The following BAG6 variants were observed in gnomAD, a reference collection of about 807,000 sequenced individuals.
BAG6 encodes the protein BAG cochaperone 6.
Under a neutral mutation model 121.0 loss-of-function variants are expected in BAG6, and 22 were observed. That is an observed-to-expected ratio of 0.18 (90% CI 0.13 to 0.26). The LOEUF (loss-of-function observed/expected upper bound fraction) is 0.26. Among genes scored for constraint, BAG6 ranks in the 10% least tolerant of loss-of-function variants. BAG6 has a pLI of 1.00. For missense variants in BAG6, 1,233 were observed against 1,537.7 expected (o/e 0.80, Z 3.31); for synonymous variants, 583 against 584.6 (o/e 1.00, Z 0.04).
chr6:31,649,590 G>A lies in BAG6; in HGVS notation c.146C>T (p.Ser49Phe). 1 of 1,614,110 alleles carries A rather than the reference G, an allele frequency of 6.2e-7. No homozygotes were observed. Among genetic ancestry groups the A allele is most frequent in the Non-Finnish European group, 8.5e-7 (1 of 1,180,008 alleles). ...TTGTTTTTCAGATGGGATGCTGACA[G>A]AGGCAGCAATGTGCTCCTTAAACTC... ...VKEFKEHIAA[S>F]VSIPSEKQRL... Residue 49 changes from serine to phenylalanine, a missense_variant, in exon 3 of 26, where the codon TCT (serine) becomes TTT (phenylalanine). This residue lies in a region of BAG6 where 28 missense variants were observed against 24.5 expected (regional missense o/e 1.14). Coordinates refer to ENST00000676615, the MANE Select transcript of BAG6 (RefSeq NM_001387994.1).
In BAG6 at chr6:31,645,487, G is replaced by C; in HGVS notation, c.1036C>G (p.Pro346Ala). Residue 346 changes from proline (P) to alanine (A), a missense_variant, in exon 9 of 26, where the codon CCA becomes GCA. Coordinates refer to ENST00000676615, the MANE Select transcript of BAG6 (RefSeq NM_001387994.1). Reference protein sequence around the residue: ...DLRCNLACTPPRHLHVVRPMS... With the variant: ...DLRCNLACTPARHLHVVRPMS... ...GGCCGGACCACATGCAGGTGTCGTG[G>C]GGGCGTGCAGGCCAGATTGCAGCGC... The C allele has an allele frequency of 6.2e-7, 1 of 1,613,114 alleles. No homozygotes were observed. The highest frequency in any genetic ancestry group is 1.6e-4 in the Middle Eastern group (1 of 6,062).
chr6:31,642,359 T>A lies in BAG6; in HGVS notation c.2088A>T (p.Pro696=). 1 of 315,212 alleles carries A rather than the reference T, an allele frequency of 3.2e-6. No individual in the cohort carries two copies. The highest frequency in any genetic ancestry group is 4.5e-6 in the Non-Finnish European group (1 of 222,774). The allele number at this position is 315,212 out of a possible 1,614,324, so 19.5% of individuals were successfully genotyped here. A position where few individuals can be genotyped will look rare whatever the true frequency, so the allele number is the denominator to read the frequency against. The change falls in exon 16 of 26, where the codon CCA becomes CCT. Residue 696 remains proline (P), a synonymous_variant. Transcript: ENST00000676615. The part of the protein sequence containing the change: ...APPPPPPPPP[P]PPAPEQQTMP... ...TGGTCTGCTGCTCTGGGGCAGGTGG[T>A]GGGGGTGGAGGAGGTGGGGGTGGTG...
rs1199597125 is a variant in BAG6 at position 31,644,457 on chromosome 6, A to G, written c.1448-43T>C. 1 of 1,561,770 alleles carries G rather than the reference A, an allele frequency of 6.4e-7. No individual in the cohort carries two copies. On this transcript the variant is annotated intron_variant, in intron 11 of 25. Transcript: ENST00000676615. This position sits in a 1 kb window ranked among gnomAD's most constrained non-coding sequence, Gnocchi z 4.9. ...TGTAACCTTGAACCTGGACCCCTTC[A>G]ACCCACCCACTCAGCCCTTCCCTTT...
chr6:31,649,091 G>A, intron 4 of BAG6, 108 bp downstream of exon 4: 3 of 1,514,558 alleles, frequency 2.0e-6, no homozygotes, highest in Non-Finnish European at 2.7e-6. Context: ...ACACCACAGG[G>A]CCCCCTGAAC....
chr6:31,645,722 C>T (rs1435792488), intron 8 of BAG6, 118 bp from the exon 9 acceptor site: 4 of 1,265,038 alleles, frequency 3.2e-6, no homozygotes, highest in East Asian at 2.5e-5. Flanking sequence ...TCAGTTATAT[C>T]CTTGGAAGTT....
At chr6:31,639,419 A>G (rs1355888693) in intron 25 of BAG6, 81 bp downstream of exon 25, 1 of 1,550,282 alleles carries the variant, frequency 6.5e-7, no homozygotes, top group Non-Finnish European at 8.7e-7. Flanking sequence ...TGACCAGTTC[A>G]TCGCTGAAGG....
chr6:31,643,730 A>AAAAAAAC (rs1785455069), intron 14 of BAG6, among the ~76,000 whole-genome samples, 160 bp downstream of exon 14: 1 of 88,032 alleles, frequency 1.1e-5, no homozygotes, highest in East Asian at 4.5e-4. Context: ...TCAAAAAAAA[A>AAAAAAAC]AAAAAAAAAA....
Position 31,641,097 on chromosome 6 carries a change from T to C in BAG6, c.2787+7A>G. 5 of 1,612,922 alleles carry C rather than the reference T, an allele frequency of 3.1e-6. No individual in the cohort carries two copies. Among genetic ancestry groups the C allele is most frequent in the Non-Finnish European group, 4.2e-6 (5 of 1,179,912 alleles). ...AGGCTAAGGATCTGGGGCTAGGTGG[T>C]GCTTACAATTCGGCCATTGATAACA... On this transcript the variant is annotated splice_region_variant and intron_variant, in intron 20 of 25. Transcript: ENST00000676615. The surrounding 1 kb of genome is among the most constrained non-coding windows in gnomAD (Gnocchi z 5.7).
At chr6:31,649,974 G>A (rs752115031) in intron 2 of BAG6, among the ~76,000 whole-genome samples, 57 of 152,054 alleles carry the variant, frequency 3.7e-4, no homozygotes, top group Non-Finnish European at 3.1e-4. Context: ...CATGGTGGTC[G>A]CCTGTAATCC....
Position 31,644,967 on chromosome 6 carries a change from T to C in BAG6, c.1348A>G (p.Met450Val). The C allele has an allele frequency of 6.3e-7, 1 of 1,593,044 alleles. No individual in the cohort carries two copies. Among genetic ancestry groups the C allele is most frequent in the South Asian group, 1.1e-5 (1 of 88,514 alleles). The change falls in exon 10 of 26, where the codon ATG becomes GTG. Residue 450 changes from methionine (M) to valine (V), a missense_variant. Physicochemically the swap from Met to Val is conservative, Grantham distance 21 (BLOSUM62 1). Coordinates refer to ENST00000676615, the MANE Select transcript of BAG6 (RefSeq NM_001387994.1). The surrounding 1 kb of genome is among the most constrained non-coding windows in gnomAD (Gnocchi z 4.9). ...ISHQSVEPVV[M>V]MHMNIQDSGT... The stretch of plus-strand genomic sequence containing the variant: ...TCACCTTGAATGTTCATGTGCATCA[T>C]GACCACGGGTTCCACACTCTGGTGG...
Position 31,644,138 on chromosome 6 carries a change from T to C in BAG6, c.1612A>G (p.Thr538Ala). The C allele has an allele frequency of 1.9e-6, 3 of 1,613,492 alleles. No individual in the cohort carries two copies. The highest frequency in any genetic ancestry group is 2.5e-6 in the Non-Finnish European group (3 of 1,179,812). Residue 538 changes from threonine to alanine, a missense_variant, in exon 13 of 26, where the codon ACT becomes GCT. By Grantham distance (58) the Thr-to-Ala change is moderately conservative (BLOSUM62 0). This residue lies in a region of BAG6 where 777 missense variants were observed against 861.4 expected (regional missense o/e 0.90). Coordinates refer to ENST00000676615, the MANE Select transcript of BAG6 (RefSeq NM_001387994.1). The surrounding 1 kb of genome is among the most constrained non-coding windows in gnomAD (Gnocchi z 4.9). ...TGGGAAGGCCGAGCCTGTGGAGGAG[T>C]GGGCCGGGCAATCACCACCCGGGTT... ...APTRVVIARP[T>A]PPQARPSHPG...
At chr6:31,639,361 T>C in intron 25 of BAG6, 135 bp from the exon 26 acceptor site, 1 of 1,472,820 alleles carries the variant, frequency 6.8e-7, no homozygotes. Flanking sequence ...GGTGGCACTG[T>C]CAAGCCTTCC....
In BAG6 at chr6:31,641,370, A is replaced by T; in HGVS notation, c.2612T>A (p.Phe871Tyr). Residue 871 changes from phenylalanine to tyrosine, a missense_variant, in exon 19 of 26, where the codon TTT (phenylalanine) becomes TAT (tyrosine). By Grantham distance (22) the Phe-to-Tyr change is conservative. This residue lies in a region of BAG6 where 288 missense variants were observed against 483.1 expected (regional missense o/e 0.60). Coordinates refer to ENST00000676615, the MANE Select transcript of BAG6 (RefSeq NM_001387994.1). The surrounding 1 kb of genome is among the most constrained non-coding windows in gnomAD (Gnocchi z 5.7). ...GVDIIRTNLE[F>Y]LQEQFNSIAA... ...AATGCTATTAAACTGCTCTTGGAGA[A>T]ATTCCAGGTTTGTCCGGATGATGTC... is the stretch of plus-strand genomic sequence containing the variant. 1 of 1,614,248 alleles carries T rather than the reference A, an allele frequency of 6.2e-7. No individual in the cohort carries two copies. Among genetic ancestry groups the T allele is most frequent in the Non-Finnish European group, 8.5e-7 (1 of 1,180,042 alleles).
In BAG6 at chr6:31,645,098, G is replaced by A. The variant is rs1257305592; in HGVS notation, c.1217C>T (p.Ser406Phe). The change falls in exon 10 of 26, where the codon TCC becomes TTC. Residue 406 changes from serine to phenylalanine, a missense_variant. Physicochemically the swap from Ser to Phe is radical, Grantham distance 155 (BLOSUM62 -2). Around this residue, in one of 7 missense-constraint regions of BAG6, gnomAD observed 777 missense variants for 861.4 expected, o/e 0.90. Coordinates refer to ENST00000676615, the MANE Select transcript of BAG6 (RefSeq NM_001387994.1). ...APPPGPGQASSVAPSSTNVES... is the reference protein window; with the variant it reads ...APPPGPGQASFVAPSSTNVES... ...GACATTGGTAGAAGACGGAGCCACG[G>A]ATGAGGCCTGCCCAGGACCAGGGGG... The A allele has an allele frequency of 6.2e-7, 1 of 1,613,036 alleles. No homozygotes were observed. The highest frequency in any genetic ancestry group is 1.7e-5 in the Admixed American group (1 of 60,008).
chr6:31,639,698 C>T, intron 24 of BAG6, 52 bp from the exon 25 acceptor site: 1 of 1,560,238 alleles, frequency 6.4e-7, no homozygotes, highest in South Asian at 1.2e-5. Flanking sequence ...AGATCCAGTG[C>T]CACCATCCGG....
intron 15 of BAG6, 120 bp from the exon 16 acceptor site, chr6:31,642,523 G>A (rs1783945881): frequency 6.2e-6 from 4 of 640,964 alleles, no homozygotes; most frequent in Non-Finnish European, 1.1e-5. Flanking sequence ...GTTACATTCT[G>A]ATCTTCACTG....
At chr6:31,650,848 AG>A (rs1222937910) in intron 2 of BAG6, among the ~76,000 whole-genome samples, 2 of 152,208 alleles carry the variant, frequency 1.3e-5, no homozygotes, top group African/African-American at 4.8e-5. Context: ...CAAGTATTAC[AG>A]GAGTAAAGAC....
chr6:31,645,345 T>C, intron 9 of BAG6, 62 bp downstream of exon 9: 1 of 1,610,528 alleles, frequency 6.2e-7, no homozygotes, highest in South Asian at 1.1e-5. Context: ...GCCCAGTAGC[T>C]ACCCTGGGTC....
rs769519806 is a variant in BAG6 at position 31,646,514 on chromosome 6, G to A, written c.798C>T (p.Ser266=). The A allele has an allele frequency of 4.3e-6, 7 of 1,612,490 alleles. 1 individual carries two copies. In the South Asian group the frequency reaches 5.5e-5, roughly 13 times the overall value. ...APETNAPNHP[S]PAEYVEVLQE... is the part of the protein sequence containing the mutation. ...GGAGCACCTCGACATACTCCGCAGGGGAAGGATGGCTGTGGACAAACCCAA... is the reference window on the plus strand; with the variant it reads ...GGAGCACCTCGACATACTCCGCAGGAGAAGGATGGCTGTGGACAAACCCAA... The change falls in exon 8 of 26, where the codon TCC becomes TCT. Residue 266 remains serine, a synonymous_variant. Coordinates refer to ENST00000676615, the MANE Select transcript of BAG6 (RefSeq NM_001387994.1).
Sources: gnomAD v4.1 joint callset for allele counts (sites outside exome capture counted in the v4.1 genomes callset) on GRCh38, gnomAD v4.1.1 for gene constraint, gnomAD v4.1.1 regional missense constraint, Gnocchi (gnomAD v3.1) non-coding constraint, MANE v1.5 for transcripts, NCBI Gene and HGNC (gene_info 2026-07-23, HGNC 2026-07-21) for gene names.